The following MLC1 variants were observed in gnomAD, a reference collection of about 807,000 sequenced individuals.
MLC1 encodes the protein modulator of VRAC current 1.
A neutral mutation model predicts 44.7 loss-of-function variants in MLC1; 32 were observed. The observed-to-expected ratio is 0.72, with a 90% CI of 0.54 to 0.96. The LOEUF (loss-of-function observed/expected upper bound fraction) is 0.96, where lower values mean the gene tolerates loss of function less well. Among genes scored for constraint, MLC1 ranks in the 40% least tolerant of loss-of-function variants. The pLI is 0.00. For missense variants in MLC1, 459 were observed against 492.2 expected (o/e 0.93, Z 0.64); for synonymous variants, 190 against 213.0 (o/e 0.89, Z 0.94).
chr22:50,080,146 C>T lies in MLC1; in HGVS notation c.322-127G>A, dbSNP rs1264549163. ...TAGGACATAATGGTGGGGAGTCCTG[C>T]GTGCTCAGCCCGCTCTCCCCTCTGT... On this transcript the variant is annotated intron_variant, in intron 4 of 11. Coordinates refer to ENST00000311597, the MANE Select transcript of MLC1 (RefSeq NM_015166.4). 1.3e-5 allele frequency: 13 copies of T among 1,005,200 alleles called. 1 individual carries two copies. The highest frequency in any genetic ancestry group is 3.2e-5 in the African/African-American group (2 of 62,522). The allele number at this position is 1,005,200 out of a possible 1,614,324, so 62.3% of individuals were successfully genotyped here.
At chr22:50,071,355 G>A (rs2061847420) in intron 8 of MLC1, among the ~76,000 whole-genome samples, 1 of 152,186 alleles carries the variant, frequency 6.6e-6, no homozygotes, top group Non-Finnish European at 1.5e-5. Context: ...GCCTCCCAAA[G>A]TGCTGGGATT....
rs75152548 is a variant in MLC1 at position 50,061,834 on chromosome 22, T to C, written c.1060-177A>G. 0.12 allele frequency among the ~76,000 whole-genome samples: 18,520 copies of C among 152,070 alleles called. 1,264 individuals carry two copies. Among genetic ancestry groups the C allele is most frequent in the South Asian group, 0.23 (1,098 of 4,818 alleles). On this transcript the variant is annotated intron_variant, in intron 11 of 11. Coordinates refer to ENST00000311597, the MANE Select transcript of MLC1 (RefSeq NM_015166.4). Reference sequence around the variant, plus strand: ...GTGGAAAGAGATAAAAGCCTTCACTTCCTCAGTGTCCCAGAAACGCCTGCA... The same window carrying C: ...GTGGAAAGAGATAAAAGCCTTCACTCCCTCAGTGTCCCAGAAACGCCTGCA...
At chr22:50,073,160 T>C (rs1382705450) in intron 8 of MLC1, among the ~76,000 whole-genome samples, 1 of 152,226 alleles carries the variant, frequency 6.6e-6, no homozygotes, top group Non-Finnish European at 1.5e-5. Flanking sequence ...CAGGCAGGCA[T>C]GGGCCTCGGC....
chr22:50,076,698 T>C lies in MLC1; in HGVS notation c.597+143A>G, dbSNP rs555706756. ...CAATGATACCAATAACAGACTAGAG[T>C]CTCCACAGATGAGGCGCACGCCGCC... On this transcript the variant is annotated intron_variant, in intron 7 of 11. Transcript: ENST00000311597. 9.2e-4 allele frequency: 732 copies of C among 797,026 alleles called. 1 individual carries two copies. The highest frequency in any genetic ancestry group is 1.4e-3 in the Non-Finnish European group (643 of 462,658). 49.4% of individuals were successfully genotyped at this position (797,026 alleles called of 1,614,324 possible).
chr22:50,063,779 G>T (rs2061629435), intron 11 of MLC1, among the ~76,000 whole-genome samples: 1 of 104,466 alleles, frequency 9.6e-6, no homozygotes. Context: ...CCCTGGCTGG[G>T]CCCCCCATGG....
At chr22:50,066,860 T>TA (rs35871037) in intron 10 of MLC1, among the ~76,000 whole-genome samples, 22,412 of 152,024 alleles carry the variant, frequency 0.15, 1,761 homozygotes, top group East Asian at 0.18. Flanking sequence ...AATACCATTT[T>TA]AAAAAGAAAA....
Position 50,060,428 on chromosome 22 carries a change from C to G in MLC1, c.*1155G>C, listed in dbSNP as rs1359141432. 1.3e-5 allele frequency: 2 copies of G among 152,366 alleles called. No individual in the cohort carries two copies. Among genetic ancestry groups the G allele is most frequent in the Non-Finnish European group, 2.9e-5 (2 of 68,104 alleles). The allele number at this position is 152,366 out of a possible 1,614,324, so 9.4% of individuals were successfully genotyped here. On this transcript the variant is annotated 3_prime_UTR_variant, in exon 12 of 12. Coordinates refer to ENST00000311597, the MANE Select transcript of MLC1 (RefSeq NM_015166.4). ...TGACCGCCTGGGCTGTACCCTAAGA[C>G]CCCAAAACAGCGGAGATGGAGAAGA...
intron 8 of MLC1, among the ~76,000 whole-genome samples, chr22:50,072,180 G>A (rs557415832): frequency 5.0e-4 from 76 of 152,334 alleles, no homozygotes; most frequent in African/African-American, 1.8e-3. Context: ...ATGGGAGGGC[G>A]GGAGTTTCCC....
At chr22:50,074,568 C>T in intron 7 of MLC1, 2 of 542,566 alleles carry the variant, frequency 3.7e-6, no homozygotes, top group Admixed American at 2.9e-5. Context: ...AGGTGTTTCC[C>T]CCACTGCTGC....
intron 11 of MLC1, 112 bp downstream of exon 11, chr22:50,063,922 G>A (rs1387077460): frequency 1.7e-6 from 2 of 1,207,908 alleles, no homozygotes; most frequent in Non-Finnish European, 1.1e-6. Flanking sequence ...ACCCCTGTGG[G>A]CCACTCACCT....
At chr22:50,081,025 G>GAAAGAAAGAAAT (rs1555968025) in intron 3 of MLC1, among the ~76,000 whole-genome samples, 1 of 145,100 alleles carries the variant, frequency 6.9e-6, no homozygotes, top group Admixed American at 6.7e-5. Context: ...AAGAAAGAAA[G>GAAAGAAAGAAAT]AAAGAAAGAA....
intron 7 of MLC1, among the ~76,000 whole-genome samples, chr22:50,074,849 C>A (rs1391316019): frequency 6.6e-6 from 1 of 152,222 alleles, no homozygotes. Flanking sequence ...GACGTTAGCA[C>A]CCCTTTTCTA....
At position 50,084,891 on chromosome 22, in the gene MLC1, C is replaced by T; in HGVS notation, c.12G>A (p.Glu4=). The T allele has an allele frequency of 6.2e-7, 1 of 1,612,198 alleles. No individual in the cohort carries two copies. The highest frequency in any genetic ancestry group is 1.1e-5 in the South Asian group (1 of 91,084). The change falls in exon 2 of 12, where the codon GAG becomes GAA. Residue 4 remains glutamate (E), a synonymous_variant. Coordinates refer to ENST00000311597, the MANE Select transcript of MLC1 (RefSeq NM_015166.4). ...CATAGGCCAGCTCCTCTCTGAATGG[C>T]TCCTGGGTCATGGCACTTGGGGACA... The part of the protein sequence containing the change: MTQ[E]PFREELAYDR...
chr22:50,066,164 C>T (rs1009595740), intron 10 of MLC1, among the ~76,000 whole-genome samples: 10 of 151,794 alleles, frequency 6.6e-5, no homozygotes, highest in Admixed American at 4.6e-4. Context: ...AGAGTGAGAC[C>T]CTGTCTCTGA....
chr22:50,084,458 C>T (rs1408527177), intron 2 of MLC1, among the ~76,000 whole-genome samples: 1 of 152,228 alleles, frequency 6.6e-6, no homozygotes, highest in East Asian at 1.9e-4. Context: ...GGGGCCCATT[C>T]ATGGCCCTGG....
At chr22:50,076,981 G>C (rs1602036737) in intron 6 of MLC1, 69 bp from the exon 7 acceptor site, 1 of 1,562,508 alleles carries the variant, frequency 6.4e-7, no homozygotes, top group African/African-American at 1.4e-5. Flanking sequence ...CTGGCATCCG[G>C]CCGCCGTGGG....
rs2062201983 is a variant in MLC1 at position 50,083,529 on chromosome 22, C to T, written c.178-356G>A. On this transcript the variant is annotated intron_variant, in intron 2 of 11. Coordinates refer to ENST00000311597, the MANE Select transcript of MLC1 (RefSeq NM_015166.4). This position sits in a 1 kb window ranked among gnomAD's most constrained non-coding sequence, Gnocchi z 4.6. Reference sequence around the variant, plus strand: ...TGTTGTGCGTGCAGTCTTCCAGATCCCACACCCAGGTCCAGACACGAGACT... The same window carrying T: ...TGTTGTGCGTGCAGTCTTCCAGATCTCACACCCAGGTCCAGACACGAGACT... Among the ~76,000 whole-genome samples the T allele has an allele frequency of 6.6e-6, 1 of 152,200 alleles. No homozygotes were observed. The highest frequency in any genetic ancestry group is 6.5e-5 in the Admixed American group (1 of 15,280).
In MLC1 at chr22:50,084,939, G is replaced by T; in HGVS notation, c.-37C>A. The T allele has an allele frequency of 1.2e-6, 2 of 1,606,462 alleles. No homozygotes were observed. The highest frequency in any genetic ancestry group is 1.7e-6 in the Non-Finnish European group (2 of 1,179,752). On this transcript the variant is annotated 5_prime_UTR_variant, in exon 2 of 12. It adds an upstream start codon to the 5' untranslated region. Coordinates refer to ENST00000311597, the MANE Select transcript of MLC1 (RefSeq NM_015166.4). ...ACACCACAGCTGTGCTGAATGTACA[G>T]CCACGTGTCACCAGTTCTTTATCTG...
chr22:50,074,075 C>T (rs1286294943), intron 8 of MLC1, 141 bp downstream of exon 8: 1 of 698,506 alleles, frequency 1.4e-6, no homozygotes, highest in East Asian at 2.7e-5. Flanking sequence ...CTCCCCAGTT[C>T]TTCTGAAGTT....
Sources: gnomAD v4.1 joint callset for allele counts (sites outside exome capture counted in the v4.1 genomes callset) on GRCh38, gnomAD v4.1.1 for gene constraint, Gnocchi (gnomAD v3.1) non-coding constraint, MANE v1.5 for transcripts, NCBI Gene and HGNC (gene_info 2026-07-23, HGNC 2026-07-21) for gene names.